Variants in SLIT1 observed in about 807,000 individuals in gnomAD.
The protein encoded by SLIT1 is slit guidance ligand 1.
SLIT1 carries 66 observed loss-of-function variants against 186.1 expected under a neutral mutation model. The ratio of observed to expected loss-of-function variants is 0.35; its 90% CI spans 0.29 to 0.44. SLIT1 has a LOEUF of 0.44. SLIT1 is among the 20% of genes least tolerant of loss of function. SLIT1 has a pLI of 1.00. For missense variants in SLIT1, 1,638 were observed against 2,037.4 expected (o/e 0.80, Z 3.77); for synonymous variants, 761 against 833.8 (o/e 0.91, Z 1.50).
At chr10:97,163,346 C>A in intron 3 of SLIT1, 34 bp downstream of exon 3, 1 of 1,592,166 alleles carries the variant, frequency 6.3e-7, no homozygotes, top group Non-Finnish European at 8.6e-7. Flanking sequence ...TGCCAGCCCC[C>A]CGCCCTCCTG....
At chr10:97,161,985 C>T (rs186425157) in intron 3 of SLIT1, among the ~76,000 whole-genome samples, 1 of 152,276 alleles carries the variant, frequency 6.6e-6, no homozygotes, top group East Asian at 1.9e-4. Flanking sequence ...AGAGCTTCCC[C>T]AGGTGCCTGG....
Position 97,010,971 on chromosome 10 carries a change from A to C in SLIT1, c.3341+22T>G. The stretch of plus-strand genomic sequence containing the variant: ...CTGACAGCCACAAGGAGTCACTCCT[A>C]GTGTGTCCAGGGGCTGCTCACCTGT... On this transcript the variant is annotated intron_variant, in intron 31 of 36. Transcript: ENST00000266058. The surrounding 1 kb of genome is among the most constrained non-coding windows in gnomAD (Gnocchi z 4.8). 1.9e-6 allele frequency: 3 copies of C among 1,610,660 alleles called. No homozygotes were observed. The highest frequency in any genetic ancestry group is 2.5e-6 in the Non-Finnish European group (3 of 1,177,488).
chr10:97,141,701 C>CGTATTGTATTGTACT (rs1232335626), intron 4 of SLIT1, among the ~76,000 whole-genome samples: 14 of 96,406 alleles, frequency 1.5e-4, no homozygotes, highest in East Asian at 1.2e-3. Flanking sequence ...CGTATCGTAT[C>CGTATTGTATTGTACT]GTATTGTATT....
intron 4 of SLIT1, among the ~76,000 whole-genome samples, chr10:97,092,819 A>T (rs1395414261): frequency 6.6e-6 from 1 of 152,266 alleles, no homozygotes; most frequent in Non-Finnish European, 1.5e-5. Context: ...AAATAGGAGT[A>T]ACCAACACCT....
At chr10:97,182,193 C>T (rs1439037192) in intron 1 of SLIT1, among the ~76,000 whole-genome samples, 1 of 152,228 alleles carries the variant, frequency 6.6e-6, no homozygotes, top group Non-Finnish European at 1.5e-5. Flanking sequence ...GGGGCCTACC[C>T]AACCTCTTTC....
Position 97,057,247 on chromosome 10 carries a change from G to T in SLIT1, c.1120C>A (p.Arg374Ser). ...GTGTATAGGCCTCCAAACACACCAC[G>T]GGGGAGGTCTGTGATCTTGTTTCCA... The part of the protein sequence containing the change: ...LYGNKITDLP[R>S]GVFGGLYTLQ... The change falls in exon 12 of 37, where the codon CGT becomes AGT. Residue 374 changes from arginine to serine, a missense_variant. Arg to Ser is a moderately radical substitution (Grantham distance 110). Around this residue, in one of 3 missense-constraint regions of SLIT1, gnomAD observed 1,245 missense variants for 1,535.3 expected, o/e 0.81. Coordinates refer to ENST00000266058, the MANE Select transcript of SLIT1 (RefSeq NM_003061.3). 3.7e-6 allele frequency: 6 copies of T among 1,613,930 alleles called. No homozygotes were observed. Among genetic ancestry groups the T allele is most frequent in the Non-Finnish European group, 5.1e-6 (6 of 1,179,898 alleles).
chr10:97,002,601 G>C, intron 35 of SLIT1, 103 bp downstream of exon 35: 1 of 1,144,106 alleles, frequency 8.7e-7, no homozygotes, highest in Non-Finnish European at 1.2e-6. Context: ...CCCTGGCTTA[G>C]GCTACATGTT....
rs142058577 is a variant in SLIT1 at position 97,001,244 on chromosome 10, C to T, written c.4473G>A (p.Ser1491=). Residue 1491 remains serine, a synonymous_variant, in exon 37 of 37, where the codon TCG becomes TCA. Coordinates refer to ENST00000266058, the MANE Select transcript of SLIT1 (RefSeq NM_003061.3). ...RPLSWVECRG[S]CPGQGCCQGL... is the part of the protein sequence containing the mutation. ...CCTGGCAGCAGCCCTGGCCTGGGCACGAGCCCCGGCACTCCACCCATGACA... is the reference window on the plus strand; with the variant it reads ...CCTGGCAGCAGCCCTGGCCTGGGCATGAGCCCCGGCACTCCACCCATGACA... 1.7e-4 allele frequency: 271 copies of T among 1,613,162 alleles called. No individual in the cohort carries two copies. Among genetic ancestry groups the T allele is most frequent in the Non-Finnish European group, 2.1e-4 (249 of 1,179,944 alleles).
chr10:97,063,716 G>A, intron 7 of SLIT1, 98 bp from the exon 8 acceptor site: 1 of 1,317,178 alleles, frequency 7.6e-7, no homozygotes, highest in East Asian at 2.5e-5. Flanking sequence ...CCCCGGTGCT[G>A]TGTTCAAGCC....
rs527650060 is a variant in SLIT1, at chr10:97,180,849, G to C, written c.197+4629C>G. Among the ~76,000 whole-genome samples, 5 of 152,294 alleles carry C rather than the reference G, an allele frequency of 3.3e-5. No individual in the cohort carries two copies. In the East Asian group the frequency reaches 9.6e-4, roughly 29 times the overall value. ...TCTCTTCTGCCCCACCCAAACCCTC[G>C]AGCCTCTAGCTTGAGCTTCCCAAAT... is the stretch of plus-strand genomic sequence containing the variant. On this transcript the variant is annotated intron_variant, in intron 1 of 36. Coordinates refer to ENST00000266058, the MANE Select transcript of SLIT1 (RefSeq NM_003061.3).
intron 4 of SLIT1, among the ~76,000 whole-genome samples, chr10:97,090,745 A>G (rs1311720001): frequency 1.3e-5 from 2 of 152,216 alleles, no homozygotes; most frequent in African/African-American, 4.8e-5. Flanking sequence ...CTTGCACCAC[A>G]CCAGGCTCTG....
intron 4 of SLIT1, among the ~76,000 whole-genome samples, chr10:97,078,980 G>A (rs1849076096): frequency 2.0e-5 from 3 of 152,230 alleles, no homozygotes; most frequent in South Asian, 4.1e-4. Context: ...GGTGGGGGCA[G>A]GGGAGGTGGT....
At chr10:97,119,102 T>G (rs915096504) in intron 4 of SLIT1, among the ~76,000 whole-genome samples, 3 of 152,178 alleles carry the variant, frequency 2.0e-5, no homozygotes, top group African/African-American at 4.8e-5. Flanking sequence ...GGGGCAGTGT[T>G]CTAGCTTGGG....
chr10:97,162,074 A>G (rs1017183999), intron 3 of SLIT1, among the ~76,000 whole-genome samples: 40 of 152,222 alleles, frequency 2.6e-4, no homozygotes, highest in African/African-American at 8.7e-4. Context: ...CACAAAGAAT[A>G]AAAATAAAGT....
chr10:97,146,880 G>A (rs1230843959), intron 4 of SLIT1, among the ~76,000 whole-genome samples: 1 of 152,020 alleles, frequency 6.6e-6, no homozygotes, highest in Non-Finnish European at 1.5e-5. Context: ...AAACAAGAAC[G>A]ACTCCTGCCT....
chr10:97,134,379 G>A (rs140591103), intron 4 of SLIT1, among the ~76,000 whole-genome samples: 2 of 152,260 alleles, frequency 1.3e-5, no homozygotes, highest in African/African-American at 2.4e-5. Flanking sequence ...CCTGAAGGCC[G>A]CGGTTTCCTG....
At chr10:97,166,622 AG>A (rs371447463) in intron 1 of SLIT1, among the ~76,000 whole-genome samples, 2,493 of 94,816 alleles carry the variant, frequency 0.026, 71 homozygotes, top group East Asian at 0.058. Context: ...AAAGAAAGAA[AG>A]AGAAAAGAAA....
rs1468022139 is a variant in SLIT1, at chr10:97,043,691, T to G, written c.1854-178A>C. ...CCAGGTGAGGCGAGTTTTACACACC[T>G]GTGCCCACTCCAGACCCGCCCCCGC... On this transcript the variant is annotated intron_variant, in intron 18 of 36. Coordinates refer to ENST00000266058, the MANE Select transcript of SLIT1 (RefSeq NM_003061.3). This position sits in a 1 kb window ranked among gnomAD's most constrained non-coding sequence, Gnocchi z 7.0. Among the ~76,000 whole-genome samples, 1 of 152,078 alleles carries G rather than the reference T, an allele frequency of 6.6e-6. No homozygotes were observed. The highest frequency in any genetic ancestry group is 1.5e-5 in the Non-Finnish European group (1 of 67,998).
chr10:97,002,202 T>G lies in SLIT1; in HGVS notation c.4322A>C (p.His1441Pro), dbSNP rs145996432. ...HCQASGTKGA[H>P]CVCDPGFSGE... ...CGAAAAGCCGGGGTCACACACACAG[T>G]GTGCCCCCTTGGTGCCTGAGGCCTG... Residue 1441 changes from histidine (H) to proline (P), a missense_variant, in exon 36 of 37, where the codon CAC (histidine) becomes CCC (proline). Physicochemically the swap from His to Pro is moderately conservative, Grantham distance 77. Coordinates refer to ENST00000266058, the MANE Select transcript of SLIT1 (RefSeq NM_003061.3). The G allele has an allele frequency of 2.2e-5, 34 of 1,570,708 alleles. No individual in the cohort carries two copies. The African/African-American group carries it at 3.8e-4, about 17-fold the overall frequency.
Sources: gnomAD v4.1 joint callset for allele counts (sites outside exome capture counted in the v4.1 genomes callset) on GRCh38, gnomAD v4.1.1 for gene constraint, gnomAD v4.1.1 regional missense constraint, Gnocchi (gnomAD v3.1) non-coding constraint, MANE v1.5 for transcripts, NCBI Gene and HGNC (gene_info 2026-07-23, HGNC 2026-07-21) for gene names.